The following CNOT2 variants were observed in gnomAD, a reference collection of about 807,000 sequenced individuals.
CNOT2 encodes CC chemokine receptor 4-negative regulator of transcription 2.
In CNOT2, 7 loss-of-function variants were observed where a neutral mutation model predicts 72.1. The observed-to-expected ratio is 0.10, with a 90% CI of 0.06 to 0.18. CNOT2 has a LOEUF of 0.18. CNOT2 is among the 10% of genes least tolerant of loss of function. CNOT2 has a pLI of 1.00. For synonymous variants in CNOT2, 196 were observed against 225.6 expected, an observed-to-expected ratio of 0.87 and a Z score of 1.17; for missense variants, 345 against 660.3, an observed-to-expected ratio of 0.52 and a Z score of 5.23.
At chr12:70,264,765 A>G (rs1372959469) in intron 1 of CNOT2, among the ~76,000 whole-genome samples, 2 of 152,228 alleles carry the variant, frequency 1.3e-5, no homozygotes, top group African/African-American at 2.4e-5. Context: ...CTGAGCGGGC[A>G]GAGGGAAGAA....
chr12:70,243,652 C>A (rs1957686205), intron 1 of CNOT2, 172 bp downstream of exon 1: 1 of 139,306 alleles, frequency 7.2e-6, no homozygotes, highest in Admixed American at 7.4e-5. Context: ...CGGCTCCAAT[C>A]GAGAGACGGA....
At chr12:70,302,441 A>T (rs566597964) in intron 2 of CNOT2, among the ~76,000 whole-genome samples, 2 of 151,820 alleles carry the variant, frequency 1.3e-5, no homozygotes, top group East Asian at 3.9e-4. Flanking sequence ...GTTTCAAAGA[A>T]CATCTTTATT....
chr12:70,301,001 T>C (rs1873851159), intron 2 of CNOT2, among the ~76,000 whole-genome samples: 1 of 152,208 alleles, frequency 6.6e-6, no homozygotes, highest in South Asian at 2.1e-4. Context: ...GGGAGTTCTT[T>C]CATGATTTGG....
intron 15 of CNOT2, among the ~76,000 whole-genome samples, chr12:70,353,461 A>G (rs1313002088): frequency 6.6e-6 from 1 of 152,172 alleles, no homozygotes; most frequent in African/African-American, 2.4e-5. Context: ...TTAGGTTTTT[A>G]TACTTCGTTG....
At chr12:70,283,467 TGATA>T (rs3049214) in intron 2 of CNOT2, among the ~76,000 whole-genome samples, 8,946 of 142,484 alleles carry the variant, frequency 0.063, 386 homozygotes, top group African/African-American at 0.12. Flanking sequence ...GTCAGTCGAT[TGATA>T]GATAGATAGA....
chr12:70,261,023 A>T lies in CNOT2; in HGVS notation c.-95-17109A>T, dbSNP rs1958724078. 2.0e-5 allele frequency among the ~76,000 whole-genome samples: 3 copies of T among 151,244 alleles called. No homozygotes were observed. The South Asian group carries it at 6.3e-4, about 32-fold the overall frequency. On this transcript the variant is annotated intron_variant, in intron 1 of 15. Transcript: ENST00000229195. ...TGTGTTTTTGTTTTTTTTTCCATGGATACCTTTTATCAGTTTGAGGATGTT... is the reference window on the plus strand; with the variant it reads ...TGTGTTTTTGTTTTTTTTTCCATGGTTACCTTTTATCAGTTTGAGGATGTT...
chr12:70,313,275 G>A (rs1219339156), intron 3 of CNOT2, among the ~76,000 whole-genome samples: 1 of 151,870 alleles, frequency 6.6e-6, no homozygotes, highest in East Asian at 1.9e-4. Context: ...CATTCTCCAT[G>A]TATTGAGGAT....
intron 3 of CNOT2, among the ~76,000 whole-genome samples, chr12:70,314,227 C>G (rs1213085580): frequency 6.6e-6 from 1 of 151,994 alleles, no homozygotes. Flanking sequence ...TAAAAGTCTT[C>G]TATTAGTTTT....
intron 11 of CNOT2, among the ~76,000 whole-genome samples, 198 bp downstream of exon 11, chr12:70,339,020 G>A (rs1051955760): frequency 1.7e-5 from 2 of 118,178 alleles, no homozygotes; most frequent in Non-Finnish European, 3.4e-5. Flanking sequence ...TTTTATGTGT[G>A]TGTGTGTGTG....
At position 70,254,995 on chromosome 12, in the gene CNOT2, AAAAG is replaced by A. The variant is rs1316958195; in HGVS notation, c.-96+11518_-96+11521del. 2.2e-3 allele frequency among the ~76,000 whole-genome samples: 328 copies of A among 150,814 alleles called. 3 individuals are homozygous for A. The highest frequency in any genetic ancestry group is 0.014 in the Admixed American group (211 of 15,032). On this transcript the variant is annotated intron_variant, in intron 1 of 15. Transcript: ENST00000229195. ...GACTGCATCTCAAAAAAAAAAAAAA[AAAAG>A]AAGAAGAAGAAAAAAAGAAAACTGG...
chr12:70,352,428 A>G (rs1882984298), intron 15 of CNOT2, among the ~76,000 whole-genome samples: 1 of 152,194 alleles, frequency 6.6e-6, no homozygotes, highest in East Asian at 1.9e-4. Context: ...ATATCTTTAA[A>G]TTTATTTAAG....
chr12:70,243,647 C>G (rs1957685088), intron 1 of CNOT2, 167 bp downstream of exon 1: 1 of 150,606 alleles, frequency 6.6e-6, no homozygotes, highest in Non-Finnish European at 1.5e-5. Context: ...TGTCTCGGCT[C>G]CAATCGAGAG....
At chr12:70,248,028 A>T (rs923181074) in intron 1 of CNOT2, among the ~76,000 whole-genome samples, 1 of 152,218 alleles carries the variant, frequency 6.6e-6, no homozygotes, top group East Asian at 1.9e-4. Context: ...TAATAGAGTG[A>T]TTAATACCCT....
intron 14 of CNOT2, chr12:70,345,726 A>T (rs1296502517): frequency 1.3e-5 from 2 of 152,320 alleles, no homozygotes; most frequent in East Asian, 1.9e-4. Context: ...TTAAAAAATT[A>T]TGTGGAATTT....
intron 2 of CNOT2, chr12:70,294,114 T>C: frequency 7.8e-7 from 1 of 1,288,624 alleles, no homozygotes; most frequent in Non-Finnish European, 1.0e-6. Context: ...TTGGACTTTC[T>C]TACTGTTTGC....
chr12:70,267,014 T>G (rs149193754), intron 1 of CNOT2, among the ~76,000 whole-genome samples: 1 of 152,306 alleles, frequency 6.6e-6, no homozygotes, highest in East Asian at 1.9e-4. Flanking sequence ...ATCTTTTGGA[T>G]TATCTGACTA....
At chr12:70,343,587 C>T (rs374700629) in intron 13 of CNOT2, among the ~76,000 whole-genome samples, 1 of 152,198 alleles carries the variant, frequency 6.6e-6, no homozygotes, top group African/African-American at 2.4e-5. Context: ...GATATAGATT[C>T]AGTTTAACAT....
At chr12:70,347,392 G>A (rs1052765519) in intron 15 of CNOT2, among the ~76,000 whole-genome samples, 1 of 152,020 alleles carries the variant, frequency 6.6e-6, no homozygotes, top group Non-Finnish European at 1.5e-5. Flanking sequence ...CAGCACTTTG[G>A]GAGGCTGAGG....
At chr12:70,273,093 T>A (rs1868302560) in intron 1 of CNOT2, among the ~76,000 whole-genome samples, 1 of 152,116 alleles carries the variant, frequency 6.6e-6, no homozygotes, top group African/African-American at 2.4e-5. Context: ...TTCCTGTCTT[T>A]AAAAAAAGCC....
Sources: gnomAD v4.1 joint callset for allele counts (sites outside exome capture counted in the v4.1 genomes callset) on GRCh38, gnomAD v4.1.1 for gene constraint, MANE v1.5 for transcripts, NCBI Gene and HGNC (gene_info 2026-07-23, HGNC 2026-07-21) for gene names.